KMT2C: variants seen among roughly 807,000 people sequenced by gnomAD.
The protein encoded by KMT2C is histone-lysine N-methyltransferase 2C.
In KMT2C, 88 loss-of-function variants were observed where a neutral mutation model predicts 507.9. That is an observed-to-expected ratio of 0.17 (90% confidence interval 0.15 to 0.21). KMT2C has a LOEUF of 0.21. Ranked by LOEUF, KMT2C falls within the 10% of genes least tolerant of loss-of-function variation. The pLI, the probability that KMT2C is intolerant of heterozygous loss-of-function variation, is 1.00. For synonymous variants in KMT2C, 2,049 were observed against 2,080.8 expected (o/e 0.98, Z 0.42); for missense variants, 4,954 against 5,957.8 (o/e 0.83, Z 5.55).
intron 8 of KMT2C, among the ~76,000 whole-genome samples, chr7:152,263,808 G>A (rs1477027106): frequency 2.0e-5 from 3 of 152,050 alleles, no homozygotes; most frequent in Non-Finnish European, 4.4e-5. Flanking sequence ...CCAAAGATTG[G>A]GCCCCTGTCC....
At chr7:152,413,670 A>C (rs2097703964) in intron 1 of KMT2C, among the ~76,000 whole-genome samples, 1 of 151,454 alleles carries the variant, frequency 6.6e-6, no homozygotes, top group Non-Finnish European at 1.5e-5. Flanking sequence ...GGATCACCTG[A>C]GGTCAGGAGT....
intron 2 of KMT2C, among the ~76,000 whole-genome samples, chr7:152,357,726 T>C (rs1168190973): frequency 6.6e-6 from 1 of 152,178 alleles, no homozygotes; most frequent in Admixed American, 6.5e-5. Context: ...ATACTCTAAC[T>C]AGACCTTATT....
At chr7:152,261,165 A>T (rs2095765818) in intron 9 of KMT2C, among the ~76,000 whole-genome samples, 1 of 152,300 alleles carries the variant, frequency 6.6e-6, no homozygotes, top group Admixed American at 6.5e-5. Flanking sequence ...TAACCATTCA[A>T]CTGTTAAACT....
At chr7:152,143,755 C>G (rs1000085163) in intron 55 of KMT2C, among the ~76,000 whole-genome samples, 1 of 152,112 alleles carries the variant, frequency 6.6e-6, no homozygotes. Flanking sequence ...GTCCAAATAT[C>G]AATAAAGAGA....
rs938826373 is a variant in KMT2C, at chr7:152,308,673, C to CAAAAA, written c.849+1288_849+1292dup. Among the ~76,000 whole-genome samples, 60 of 24,566 alleles carry CAAAAA rather than the reference C, an allele frequency of 2.4e-3. 6 individuals carry two copies. Among genetic ancestry groups the CAAAAA allele is most frequent in the African/African-American group, 8.3e-3 (56 of 6,730 alleles). 16.1% of individuals were successfully genotyped at this position (24,566 alleles called of 152,430 possible). The stretch of plus-strand genomic sequence containing the variant: ...CTGCACAACACAGCAAAACTCCTCT[C>CAAAAA]AAAAAAAAAAAAAAAAAAAAAAAAA... On this transcript the variant is annotated intron_variant, in intron 6 of 58. Transcript: ENST00000262189.
chr7:152,331,642 ATTTTTTTT>A (rs34778581), intron 2 of KMT2C, among the ~76,000 whole-genome samples: 5 of 99,298 alleles, frequency 5.0e-5, no homozygotes, highest in South Asian at 3.2e-4. Context: ...CAACAAAAAG[ATTTTTTTT>A]TTTTTTTTTT....
At chr7:152,357,030 C>T (rs1281539295) in intron 2 of KMT2C, among the ~76,000 whole-genome samples, 1 of 150,472 alleles carries the variant, frequency 6.6e-6, no homozygotes, top group Non-Finnish European at 1.5e-5. Context: ...GAGTTCGAGA[C>T]CAGCCTCGTC....
rs558139040 is a variant in KMT2C, at chr7:152,181,582, G to T, written c.6278C>A (p.Pro2093Gln). ...DNFSHNQSND[P>Q]YSQPPLTPHP... ...TGGGGTAAGGGGAGGCTGACTATAT[G>T]GATCATTTGACTGATTATGAGAAAA... The change falls in exon 36 of 59, where the codon CCA becomes CAA. Residue 2093 changes from proline to glutamine, a missense_variant. This residue lies in a region of KMT2C where 1,689 missense variants were observed against 1,654.3 expected (regional missense o/e 1.02). Coordinates refer to ENST00000262189, the MANE Select transcript of KMT2C (RefSeq NM_170606.3). 6.2e-7 allele frequency: 1 copy of T among 1,614,032 alleles called. No individual in the cohort carries two copies. Among genetic ancestry groups the T allele is most frequent in the South Asian group, 1.1e-5 (1 of 91,064 alleles).
Position 152,182,282 on chromosome 7 carries a change from A to T in KMT2C, c.5578T>A (p.Ser1860Thr). 6.2e-7 allele frequency: 1 copy of T among 1,614,106 alleles called. No individual in the cohort carries two copies. Among genetic ancestry groups the T allele is most frequent in the Non-Finnish European group, 8.5e-7 (1 of 1,180,002 alleles). Residue 1860 changes from serine (S) to threonine (T), a missense_variant, in exon 36 of 59, where the codon TCC (serine) becomes ACC (threonine). This residue lies in a region of KMT2C where 1,689 missense variants were observed against 1,654.3 expected (regional missense o/e 1.02). Coordinates refer to ENST00000262189, the MANE Select transcript of KMT2C (RefSeq NM_170606.3). The part of the protein sequence containing the change: ...PQAPPPPPAP[S>T]RIPIQDSLSQ... ...AGACTATCCTGGATGGGAATCCGGG[A>T]TGGGGCTGGAGGAGGAGGTGGAGCT...
chr7:152,296,291 G>A (rs1029520518), intron 6 of KMT2C, among the ~76,000 whole-genome samples: 3 of 151,464 alleles, frequency 2.0e-5, no homozygotes, highest in South Asian at 2.1e-4. Context: ...AAAATTAACC[G>A]GGCGTGGTGG....
chr7:152,358,796 TCCAGCATTTTA>T, intron 1 of KMT2C, 121 bp from the exon 2 acceptor site: 1 of 627,982 alleles, frequency 1.6e-6, no homozygotes, highest in East Asian at 2.6e-5. Context: ...AGGGCATTTT[TCCAGCATTTTA>T]CCATATCAAG....
chr7:152,143,434 T>A (rs1435536164), intron 55 of KMT2C, among the ~76,000 whole-genome samples: 1 of 152,184 alleles, frequency 6.6e-6, no homozygotes, highest in African/African-American at 2.4e-5. Context: ...CTGACATGCA[T>A]GAGAATCATC....
chr7:152,302,192 G>A (rs2096575289), intron 6 of KMT2C, among the ~76,000 whole-genome samples: 1 of 152,066 alleles, frequency 6.6e-6, no homozygotes, highest in South Asian at 2.1e-4. Context: ...ATTCTATGAG[G>A]GGAGACAACA....
At chr7:152,368,632 A>G (rs1182320484) in intron 1 of KMT2C, 4 of 1,462,496 alleles carry the variant, frequency 2.7e-6, no homozygotes, top group African/African-American at 2.8e-5. Flanking sequence ...AACCTTGGAA[A>G]AGAACAAGAA....
intron 40 of KMT2C, among the ~76,000 whole-genome samples, chr7:152,170,985 T>G (rs1022568450): frequency 6.6e-6 from 1 of 152,214 alleles, no homozygotes; most frequent in Admixed American, 6.5e-5. Flanking sequence ...TTTTCAGAAA[T>G]CACAGCCAAT....
rs750203378 is a variant in KMT2C at position 152,136,578 on chromosome 7, G to GA, written c.*253dup. On this transcript the variant is annotated 3_prime_UTR_variant, in exon 59 of 59. Transcript: ENST00000262189. The stretch of plus-strand genomic sequence containing the variant: ...AAACAAAAAAAAAAGAAAAGGAAAA[G>GA]AAAAAAAAGCAAAAGTGCTGGACCA... 291 of 383,858 alleles carry GA rather than the reference G, an allele frequency of 7.6e-4. 1 individual carries two copies. Among genetic ancestry groups the GA allele is most frequent in the Non-Finnish European group, 1.0e-3 (218 of 214,834 alleles). 23.8% of individuals were successfully genotyped at this position (383,858 alleles called of 1,614,324 possible). A position where few individuals can be genotyped will look rare whatever the true frequency, so the allele number is the denominator to read the frequency against.
intron 9 of KMT2C, 49 bp from the exon 10 acceptor site, chr7:152,252,764 A>T (rs1432633101): frequency 7.3e-7 from 1 of 1,368,304 alleles, no homozygotes; most frequent in Non-Finnish European, 1.0e-6. Flanking sequence ...ATGCATTTGT[A>T]ATTGTAGTTC....
Position 152,379,959 on chromosome 7 carries a change from A to T in KMT2C, c.162-21284T>A, listed in dbSNP as rs536174017. Among the ~76,000 whole-genome samples, 6 of 152,204 alleles carry T rather than the reference A, an allele frequency of 3.9e-5. No individual in the cohort carries two copies. The East Asian group carries it at 1.2e-3, about 30-fold the overall frequency. On this transcript the variant is annotated intron_variant, in intron 1 of 58. Coordinates refer to ENST00000262189, the MANE Select transcript of KMT2C (RefSeq NM_170606.3). ...AAAAACTAGCCGGGAATGGCTGGGC[A>T]TGGTGGCTCACACCTGTAATCCTAA...
chr7:152,353,707 C>T (rs2097131485), intron 2 of KMT2C, among the ~76,000 whole-genome samples: 1 of 152,056 alleles, frequency 6.6e-6, no homozygotes, highest in East Asian at 1.9e-4. Flanking sequence ...CCATGTTGCC[C>T]AGGCTGGTCT....
Sources: gnomAD v4.1 joint callset for allele counts (sites outside exome capture counted in the v4.1 genomes callset) on GRCh38, gnomAD v4.1.1 for gene constraint, gnomAD v4.1.1 regional missense constraint, MANE v1.5 for transcripts, NCBI Gene and HGNC (gene_info 2026-07-23, HGNC 2026-07-21) for gene names.